KDM7A: variants seen among roughly 807,000 people sequenced by gnomAD.
KDM7A encodes lysine-specific demethylase 7A.
A neutral mutation model predicts 114.8 loss-of-function variants in KDM7A; 28 were observed. The observed-to-expected ratio is 0.24, with a 90% CI of 0.18 to 0.33. The LOEUF is 0.33. Ranked by LOEUF, KDM7A falls within the 10% of genes least tolerant of loss-of-function variation. KDM7A has a pLI of 1.00. For synonymous variants in KDM7A, 423 were observed against 397.8 expected (o/e 1.06, Z -0.75); for missense variants, 942 against 1,142.5 (o/e 0.82, Z 2.53).
At position 140,096,703 on chromosome 7, in the gene KDM7A, T is replaced by C; in HGVS notation, c.2226A>G (p.Ala742=). The C allele has an allele frequency of 6.2e-7, 1 of 1,614,210 alleles. No homozygotes were observed. Among genetic ancestry groups the C allele is most frequent in the Non-Finnish European group, 8.5e-7 (1 of 1,180,020 alleles). Reference sequence around the variant, plus strand: ...GTAAACACGTGGAATAGTGCAACCCTGCCATAGACAGCATGCCCTGAATAG... The same window carrying C: ...GTAAACACGTGGAATAGTGCAACCCCGCCATAGACAGCATGCCCTGAATAG... ...EEAIQGMLSM[A]GLHYSTCLQR... is the part of the protein sequence containing the mutation. The change falls in exon 17 of 20, where the codon GCA becomes GCG. Residue 742 remains alanine, a synonymous_variant. Transcript: ENST00000397560.
chr7:140,137,523 T>C (rs1410715761), intron 2 of KDM7A, among the ~76,000 whole-genome samples: 3 of 152,178 alleles, frequency 2.0e-5, no homozygotes, highest in African/African-American at 7.2e-5. Flanking sequence ...CAAGAGTTAC[T>C]CCCAGTCAAC....
intron 1 of KDM7A, among the ~76,000 whole-genome samples, chr7:140,151,022 G>C (rs1474432526): frequency 6.6e-6 from 1 of 151,856 alleles, no homozygotes; most frequent in East Asian, 1.9e-4. Flanking sequence ...GTACAGATGG[G>C]GTTTCACCAT....
chr7:140,127,306 A>T (rs186744174), intron 5 of KDM7A, 136 bp downstream of exon 5: 3 of 744,914 alleles, frequency 4.0e-6, no homozygotes, highest in Middle Eastern at 4.0e-4. Flanking sequence ...GAGTGTCCCA[A>T]TGCAAAATTT....
intron 11 of KDM7A, among the ~76,000 whole-genome samples, chr7:140,107,279 T>C (rs1272428513): frequency 2.0e-5 from 3 of 152,186 alleles, no homozygotes; most frequent in Non-Finnish European, 2.9e-5. Flanking sequence ...ACATTTAAGG[T>C]TAATATTGTT....
In KDM7A at chr7:140,090,817, A is replaced by C. The variant is rs374223758; in HGVS notation, c.*277T>G. 21 of 390,874 alleles carry C rather than the reference A, an allele frequency of 5.4e-5. No homozygotes were observed. The highest frequency in any genetic ancestry group is 4.2e-4 in the African/African-American group (21 of 49,870). The allele number at this position is 390,874 out of a possible 1,614,324, so 24.2% of individuals were successfully genotyped here. A position where few individuals can be genotyped will look rare whatever the true frequency, so the allele number is the denominator to read the frequency against. On this transcript the variant is annotated 3_prime_UTR_variant, in exon 20 of 20. Coordinates refer to ENST00000397560, the MANE Select transcript of KDM7A (RefSeq NM_030647.2). Reference sequence around the variant, plus strand: ...AAAATACATCAAGACACTACCAACAACAAAATAAAATTCAAGCCCTGACAA... The same window carrying C: ...AAAATACATCAAGACACTACCAACACCAAAATAAAATTCAAGCCCTGACAA...
chr7:140,161,043 G>A lies in KDM7A; in HGVS notation c.194+15701C>T, dbSNP rs371459294. On this transcript the variant is annotated intron_variant, in intron 1 of 19. Coordinates refer to ENST00000397560, the MANE Select transcript of KDM7A (RefSeq NM_030647.2). ...CAAAGTTAGCCTTCAAAAAAGTACC[G>A]AAATAGGAAGAATGTAAGAGAGGAA... is the stretch of plus-strand genomic sequence containing the variant. Among the ~76,000 whole-genome samples, 13 of 152,270 alleles carry A rather than the reference G, an allele frequency of 8.5e-5. No individual in the cohort carries two copies. The South Asian group carries it at 2.1e-3, about 24-fold the overall frequency.
At chr7:140,103,448 G>A (rs1818268672) in intron 11 of KDM7A, among the ~76,000 whole-genome samples, 1 of 131,080 alleles carries the variant, frequency 7.6e-6, no homozygotes, top group Non-Finnish European at 1.7e-5. Context: ...TTCTCCTAAT[G>A]TTATCCCTCC....
chr7:140,170,250 A>C (rs1462639791), intron 1 of KDM7A, among the ~76,000 whole-genome samples: 1 of 131,974 alleles, frequency 7.6e-6, no homozygotes, highest in African/African-American at 2.6e-5. Flanking sequence ...TTTATACATA[A>C]TGTGTCCCCA....
intron 3 of KDM7A, among the ~76,000 whole-genome samples, chr7:140,132,171 G>C (rs1434106996): frequency 2.0e-5 from 3 of 152,100 alleles, no homozygotes; most frequent in Admixed American, 2.0e-4. Context: ...ATCATATCAA[G>C]CATGTGTAAT....
At chr7:140,163,059 A>ATC (rs1232358103) in intron 1 of KDM7A, among the ~76,000 whole-genome samples, 1 of 148,612 alleles carries the variant, frequency 6.7e-6, no homozygotes, top group Admixed American at 6.8e-5. Context: ...CAGTGGCACT[A>ATC]TCTCGGCTCA....
At chr7:140,097,673 GAA>G (rs764807735) in intron 14 of KDM7A, 31 bp from the exon 15 acceptor site, 1 of 1,299,054 alleles carries the variant, frequency 7.7e-7, no homozygotes, top group South Asian at 1.2e-5. Context: ...GAGAAAAAGA[GAA>G]AGTCATTTGA....
rs529820867 is a variant in KDM7A, at chr7:140,107,174, G to A, written c.1428+3921C>T. On this transcript the variant is annotated intron_variant, in intron 11 of 19. Coordinates refer to ENST00000397560, the MANE Select transcript of KDM7A (RefSeq NM_030647.2). ...TTTGAGCCTATGTGTGTCTCTGCAC[G>A]TCAGATGGGTCTCTGAATACAGCAC... Among the ~76,000 whole-genome samples, 23 of 152,140 alleles carry A rather than the reference G, an allele frequency of 1.5e-4. No homozygotes were observed. The South Asian group carries it at 1.7e-3, about 11-fold the overall frequency.
chr7:140,128,760 T>C (rs1289746565), intron 4 of KDM7A, among the ~76,000 whole-genome samples: 4 of 152,212 alleles, frequency 2.6e-5, no homozygotes, highest in Non-Finnish European at 5.9e-5. Context: ...ATATACAATT[T>C]TGAGTCAAAA....
chr7:140,150,951 C>T (rs549638646), intron 1 of KDM7A, among the ~76,000 whole-genome samples: 34 of 151,870 alleles, frequency 2.2e-4, no homozygotes, highest in African/African-American at 8.0e-4. Flanking sequence ...GCCTCAGCCT[C>T]CTGAGTAGCT....
chr7:140,163,364 T>C (rs898132304), intron 1 of KDM7A, among the ~76,000 whole-genome samples: 2 of 152,008 alleles, frequency 1.3e-5, no homozygotes, highest in Non-Finnish European at 2.9e-5. Flanking sequence ...CACACAATCT[T>C]AGCGCACTGA....
intron 19 of KDM7A, among the ~76,000 whole-genome samples, 180 bp downstream of exon 19, chr7:140,091,624 A>G (rs1253905354): frequency 6.6e-6 from 1 of 152,028 alleles, no homozygotes; most frequent in Non-Finnish European, 1.5e-5. Context: ...CGCTCCTCAG[A>G]GCTGACTTGG....
Position 140,092,032 on chromosome 7 carries a change from C to G in KDM7A, c.2503G>C (p.Glu835Gln), listed in dbSNP as rs747849530. The G allele has an allele frequency of 6.2e-7, 1 of 1,614,104 alleles. No individual in the cohort carries two copies. Among genetic ancestry groups the G allele is most frequent in the East Asian group, 2.2e-5 (1 of 44,880 alleles). Reference sequence around the variant, plus strand: ...CTACTTTGTACCCTCTGACTAATTTCTGATGAACCTTCCTTTCTGATGCAT... The same window carrying G: ...CTACTTTGTACCCTCTGACTAATTTGTGATGAACCTTCCTTTCTGATGCAT... ...QKCIRKEGSS[E>Q]ISQRVQSRNY... Residue 835 changes from glutamate to glutamine, a missense_variant, in exon 19 of 20, where the codon GAA (glutamate) becomes CAA (glutamine). By Grantham distance (29) the Glu-to-Gln change is conservative. This residue lies in a region of KDM7A where 512 missense variants were observed against 576.6 expected (regional missense o/e 0.89). Coordinates refer to ENST00000397560, the MANE Select transcript of KDM7A (RefSeq NM_030647.2).
chr7:140,098,934 T>G lies in KDM7A; in HGVS notation c.1863A>C (p.Glu621Asp). ...RRTKKAKMKI[E>D]ESSGVEGVEH... ...CCACTCCCTCTACTCCTGAACTCTC[T>G]TCTATCTTCATTTTTGCCTTTTTTG... is the stretch of plus-strand genomic sequence containing the variant. Residue 621 changes from glutamate to aspartate, a missense_variant, in exon 14 of 20, where the codon GAA becomes GAC. Physicochemically the swap from Glu to Asp is conservative, Grantham distance 45 (BLOSUM62 2). This residue lies in a region of KDM7A where 512 missense variants were observed against 576.6 expected (regional missense o/e 0.89). Transcript: ENST00000397560. The G allele has an allele frequency of 6.2e-7, 1 of 1,613,772 alleles. No homozygotes were observed. Among genetic ancestry groups the G allele is most frequent in the Non-Finnish European group, 8.5e-7 (1 of 1,179,716 alleles).
At chr7:140,154,863 T>G (rs943421913) in intron 1 of KDM7A, among the ~76,000 whole-genome samples, 1 of 152,170 alleles carries the variant, frequency 6.6e-6, no homozygotes, top group Non-Finnish European at 1.5e-5. Context: ...AATTTGTTTT[T>G]ATAATTATAA....
Sources: allele counts gnomAD v4.1 joint callset (sites outside exome capture counted in the v4.1 genomes callset), GRCh38; gene constraint gnomAD v4.1.1; regional missense constraint gnomAD v4.1.1; transcripts MANE v1.5; gene names NCBI Gene and HGNC (gene_info 2026-07-23, HGNC 2026-07-21).